The following C16orf86 variants were observed in gnomAD, a reference collection of about 807,000 sequenced individuals.
The protein encoded by C16orf86 is chromosome 16 open reading frame 86, also known as uncharacterized protein C16orf86.
C16orf86 carries 19 observed loss-of-function variants against 21.5 expected under a neutral mutation model. The observed-to-expected ratio is 0.88, with a 90% CI of 0.62 to 1.30. The LOEUF is 1.30. C16orf86 is among the 50% of genes most tolerant of loss of function. The pLI is 0.00. For synonymous variants in C16orf86, 188 were observed against 183.5 expected (o/e 1.02, Z -0.20); for missense variants, 391 against 415.8 (o/e 0.94, Z 0.52).
chr16:67,668,608 G>C lies in C16orf86; in HGVS notation c.*8G>C. Reference sequence around the variant, plus strand: ...TCTCCTCAGTACAAGTGACTGTCCCGCCCCACTGGTGGCTCCCCTCCTTCC... The same window carrying C: ...TCTCCTCAGTACAAGTGACTGTCCCCCCCCACTGGTGGCTCCCCTCCTTCC... On this transcript the variant is annotated 3_prime_UTR_variant, in exon 4 of 4. Coordinates refer to ENST00000403458, the MANE Select transcript of C16orf86 (RefSeq NM_001012984.3). 3 of 1,612,310 alleles carry C rather than the reference G, an allele frequency of 1.9e-6. No individual in the cohort carries two copies. The highest frequency in any genetic ancestry group is 2.5e-6 in the Non-Finnish European group (3 of 1,179,106).
At chr16:67,667,093 C>A in intron 1 of C16orf86, 21 bp downstream of exon 1, 1 of 1,454,844 alleles carries the variant, frequency 6.9e-7, no homozygotes, top group South Asian at 1.4e-5. Flanking sequence ...GGCTGTTTAA[C>A]CTTCAAACAC....
rs892158579 is a variant in C16orf86, at chr16:67,667,694, G to A, written c.332+169G>A. The stretch of plus-strand genomic sequence containing the variant: ...CCGTGTAGGGAGCAGCAGGAGAGTG[G>A]GAGCTTCAGGGCTTGTAGGGGCCTG... On this transcript the variant is annotated intron_variant, in intron 2 of 3. Coordinates refer to ENST00000403458, the MANE Select transcript of C16orf86 (RefSeq NM_001012984.3). 3.3e-6 allele frequency: 5 copies of A among 1,531,922 alleles called. No homozygotes were observed. In the African/African-American group the frequency reaches 5.5e-5, roughly 17 times the overall value. 94.9% of individuals were successfully genotyped at this position (1,531,922 alleles called of 1,614,324 possible).
chr16:67,668,489 GGT>G lies in C16orf86; in HGVS notation c.845_846del (p.Val282GlufsTer2). The G allele has an allele frequency of 6.2e-7, 1 of 1,613,252 alleles. No individual in the cohort carries two copies. Among genetic ancestry groups the G allele is most frequent in the East Asian group, 2.2e-5 (1 of 44,884 alleles). Reference protein sequence around the residue: ...EEPGGLPSLGVSDHKAEVDKS... With the variant: ...EEPGGLPSLGXSDHKAEVDKS... The stretch of plus-strand genomic sequence containing the variant: ...AGCCTGGGGGCTTGCCCAGCTTGGG[GGT>G]GAGTGACCACAAGGCCGAGGTGGAT... On this transcript the variant is annotated frameshift_variant, in exon 4 of 4. Coordinates refer to ENST00000403458, the MANE Select transcript of C16orf86 (RefSeq NM_001012984.3). LOFTEE classifies it high-confidence loss of function.
chr16:67,668,098 C>G lies in C16orf86; in HGVS notation c.553C>G (p.Arg185Gly), dbSNP rs1206286305. 3.1e-6 allele frequency: 5 copies of G among 1,611,936 alleles called. No homozygotes were observed. Among genetic ancestry groups the G allele is most frequent in the South Asian group, 2.2e-5 (2 of 91,010 alleles). The change falls in exon 3 of 4, where the codon CGA (arginine) becomes GGA (glycine). Residue 185 changes from arginine (R) to glycine (G), a missense_variant and splice_region_variant. Transcript: ENST00000403458. ...ACCCTTAGAGACATTGAGGCTGGAGCGTGAGTGGCAGTCCCTGGACTGTTC... is the reference window on the plus strand; with the variant it reads ...ACCCTTAGAGACATTGAGGCTGGAGGGTGAGTGGCAGTCCCTGGACTGTTC... ...SAPLETLRLE[R>G]KAQRLRPLYQ...
chr16:67,666,874 C>T lies in C16orf86; in HGVS notation c.-97C>T. The T allele has an allele frequency of 1.2e-6, 1 of 830,424 alleles. No homozygotes were observed. Among genetic ancestry groups the T allele is most frequent in the Non-Finnish European group, 1.7e-6 (1 of 576,546 alleles). 51.4% of individuals were successfully genotyped at this position (830,424 alleles called of 1,614,324 possible). A position where few individuals can be genotyped will look rare whatever the true frequency, so the allele number is the denominator to read the frequency against. Reference sequence around the variant, plus strand: ...GTTTCTCTTCCCAGCTCTGCCCTCGCTTGCTGGCCGGTCTCCGGGGTCAGC... The same window carrying T: ...GTTTCTCTTCCCAGCTCTGCCCTCGTTTGCTGGCCGGTCTCCGGGGTCAGC... On this transcript the variant is annotated 5_prime_UTR_variant, in exon 1 of 4. Transcript: ENST00000403458.
chr16:67,667,208 T>C, intron 1 of C16orf86, 88 bp from the exon 2 acceptor site: 1 of 1,455,700 alleles, frequency 6.9e-7, no homozygotes, highest in Middle Eastern at 1.7e-4. Context: ...CTTATTCCCG[T>C]TTCGGTGTCT....
In C16orf86 at chr16:67,667,079, G is replaced by A. The variant is rs759509817; in HGVS notation, c.102+7G>A. ...CAGCGCTCAGACCTCCGAGGTGACC[G>A]TCAGGCTGTTTAACCTTCAAACACA... is the stretch of plus-strand genomic sequence containing the variant. On this transcript the variant is annotated splice_region_variant and intron_variant, in intron 1 of 3. Transcript: ENST00000403458. 2.1e-6 allele frequency: 3 copies of A among 1,456,206 alleles called. No individual in the cohort carries two copies. Among genetic ancestry groups the A allele is most frequent in the Non-Finnish European group, 2.7e-6 (3 of 1,106,510 alleles). The allele number at this position is 1,456,206 out of a possible 1,614,324, so 90.2% of individuals were successfully genotyped here. A position where few individuals can be genotyped will look rare whatever the true frequency, so the allele number is the denominator to read the frequency against.
chr16:67,668,410 C>A lies in C16orf86; in HGVS notation c.764C>A (p.Pro255Gln), dbSNP rs758076378. ...GPGLALPCPS[P>Q]LVTPTHALAP... ...GGCCTCGCTTTGCCCTGTCCCAGTC[C>A]ACTAGTGACCCCCACCCATGCCCTG... The change falls in exon 4 of 4, where the codon CCA becomes CAA. Residue 255 changes from proline (P) to glutamine (Q), a missense_variant. Physicochemically the swap from Pro to Gln is moderately conservative, Grantham distance 76 (BLOSUM62 -1). Transcript: ENST00000403458. The A allele has an allele frequency of 6.2e-7, 1 of 1,612,500 alleles. No individual in the cohort carries two copies. The highest frequency in any genetic ancestry group is 1.3e-5 in the African/African-American group (1 of 74,916).
Position 67,668,472 on chromosome 16 carries a change from G to GGCTT in C16orf86, c.829_832dup (p.Pro278LeufsTer8). On this transcript the variant is annotated frameshift_variant, in exon 4 of 4. Coordinates refer to ENST00000403458, the MANE Select transcript of C16orf86 (RefSeq NM_001012984.3). LOFTEE classifies it high-confidence loss of function. Reference sequence around the variant, plus strand: ...AGAGGAGGCTGGAGAGGAGCCTGGGGGCTTGCCCAGCTTGGGGGTGAGTGA... The same window carrying GGCTT: ...AGAGGAGGCTGGAGAGGAGCCTGGGGGCTTGCTTGCCCAGCTTGGGGGTGAGTGA... The GGCTT allele has an allele frequency of 6.2e-7, 1 of 1,613,062 alleles. No homozygotes were observed. The highest frequency in any genetic ancestry group is 8.5e-7 in the Non-Finnish European group (1 of 1,179,784).
In C16orf86 at chr16:67,666,932, C is replaced by G. The variant is rs1361604019; in HGVS notation, c.-39C>G. 2.2e-6 allele frequency: 3 copies of G among 1,362,328 alleles called. No homozygotes were observed. Among genetic ancestry groups the G allele is most frequent in the South Asian group, 1.5e-5 (1 of 64,742 alleles). The allele number at this position is 1,362,328 out of a possible 1,614,324, so 84.4% of individuals were successfully genotyped here. A position where few individuals can be genotyped will look rare whatever the true frequency, so the allele number is the denominator to read the frequency against. ...CACCATCCAGCCCCTTGGGGCCCGC[C>G]CCAAGCAGCTGTCGAGGACGCACTC... On this transcript the variant is annotated 5_prime_UTR_variant, in exon 1 of 4. Transcript: ENST00000403458.
At position 67,667,001 on chromosome 16, in the gene C16orf86, G is replaced by T; in HGVS notation, c.31G>T (p.Gly11Trp). Residue 11 changes from glycine (G) to tryptophan (W), a missense_variant, in exon 1 of 4, where the codon GGG (glycine) becomes TGG (tryptophan). Gly to Trp is a radical substitution (Grantham distance 184, BLOSUM62 -2). Transcript: ENST00000403458. MASAGAERRP[G>W]VQEATVVGQG... ...CTCGGCAGGGGCGGAGAGGCGGCCGGGGGTCCAGGAGGCGACGGTCGTGGG... is the reference window on the plus strand; with the variant it reads ...CTCGGCAGGGGCGGAGAGGCGGCCGTGGGTCCAGGAGGCGACGGTCGTGGG... 1 of 1,454,284 alleles carries T rather than the reference G, an allele frequency of 6.9e-7. No homozygotes were observed. The highest frequency in any genetic ancestry group is 1.4e-5 in the South Asian group (1 of 69,286). 90.1% of individuals were successfully genotyped at this position (1,454,284 alleles called of 1,614,324 possible).
At position 67,666,990 on chromosome 16, in the gene C16orf86, A is replaced by T; in HGVS notation, c.20A>T (p.Glu7Val). The T allele has an allele frequency of 6.9e-7, 1 of 1,452,834 alleles. No individual in the cohort carries two copies. The highest frequency in any genetic ancestry group is 9.0e-7 in the Non-Finnish European group (1 of 1,110,116). 90.0% of individuals were successfully genotyped at this position (1,452,834 alleles called of 1,614,324 possible). ...GCAGCCATGGCCTCGGCAGGGGCGG[A>T]GAGGCGGCCGGGGGTCCAGGAGGCG... Reference protein sequence around the residue: MASAGAERRPGVQEATV... With the variant: MASAGAVRRPGVQEATV... Residue 7 changes from glutamate (E) to valine (V), a missense_variant, in exon 1 of 4, where the codon GAG becomes GTG. Glu to Val is a moderately radical substitution (Grantham distance 121). Transcript: ENST00000403458.
Position 67,668,535 on chromosome 16 carries a change from A to G in C16orf86, c.889A>G (p.Ile297Val), listed in dbSNP as rs2053136910. 6.2e-7 allele frequency: 1 copy of G among 1,613,492 alleles called. No homozygotes were observed. Among genetic ancestry groups the G allele is most frequent in the Non-Finnish European group, 8.5e-7 (1 of 1,179,892 alleles). Residue 297 changes from isoleucine to valine, a missense_variant, in exon 4 of 4, where the codon ATC becomes GTC. Coordinates refer to ENST00000403458, the MANE Select transcript of C16orf86 (RefSeq NM_001012984.3). ...GGTGGATAAGTCAACCCAGGTGGAC[A>G]TCGACAAGATGCTGAGTGTCTGCAC... ...AEVDKSTQVD[I>V]DKMLSVCTAP...
rs1188473389 is a variant in C16orf86 at position 67,668,703 on chromosome 16, G to A, written c.*103G>A. 4 of 922,036 alleles carry A rather than the reference G, an allele frequency of 4.3e-6. No homozygotes were observed. Among genetic ancestry groups the A allele is most frequent in the Non-Finnish European group, 6.8e-6 (4 of 586,892 alleles). The allele number at this position is 922,036 out of a possible 1,614,324, so 57.1% of individuals were successfully genotyped here. ...GGTGGCGGGGGCAAATTTGGCACCTGCCCCCACTTGGGACTTTGGTCTTGC... is the reference window on the plus strand; with the variant it reads ...GGTGGCGGGGGCAAATTTGGCACCTACCCCCACTTGGGACTTTGGTCTTGC... On this transcript the variant is annotated 3_prime_UTR_variant, in exon 4 of 4. Coordinates refer to ENST00000403458, the MANE Select transcript of C16orf86 (RefSeq NM_001012984.3).
In C16orf86 at chr16:67,668,558, C is replaced by T. The variant is rs1463636723; in HGVS notation, c.912C>T (p.Cys304=). The change falls in exon 4 of 4, where the codon TGC becomes TGT. Residue 304 remains cysteine, a synonymous_variant. Transcript: ENST00000403458. ...ACATCGACAAGATGCTGAGTGTCTGCACTGCTCCACTTGTCCCCCCGCTCT... is the reference window on the plus strand; with the variant it reads ...ACATCGACAAGATGCTGAGTGTCTGTACTGCTCCACTTGTCCCCCCGCTCT... ...QVDIDKMLSV[C]TAPLVPPLSP... is the part of the protein sequence containing the mutation. 2 of 1,613,488 alleles carry T rather than the reference C, an allele frequency of 1.2e-6. No homozygotes were observed. Among genetic ancestry groups the T allele is most frequent in the African/African-American group, 1.3e-5 (1 of 75,042 alleles).
chr16:67,668,604 T>TC lies in C16orf86; in HGVS notation c.*7dup, dbSNP rs1567649978. The TC allele has an allele frequency of 1.2e-6, 2 of 1,612,876 alleles. No homozygotes were observed. The highest frequency in any genetic ancestry group is 2.2e-5 in the East Asian group (1 of 44,860). On this transcript the variant is annotated 3_prime_UTR_variant, in exon 4 of 4. Coordinates refer to ENST00000403458, the MANE Select transcript of C16orf86 (RefSeq NM_001012984.3). The stretch of plus-strand genomic sequence containing the variant: ...GCTCTCTCCTCAGTACAAGTGACTG[T>TC]CCCGCCCCACTGGTGGCTCCCCTCC...
chr16:67,668,004 C>CA lies in C16orf86; in HGVS notation c.465dup (p.Ala156SerfsTer48). The CA allele has an allele frequency of 1.9e-6, 3 of 1,613,566 alleles. No individual in the cohort carries two copies. The highest frequency in any genetic ancestry group is 2.5e-6 in the Non-Finnish European group (3 of 1,179,870). ...AGCCCTCACCATCTGCCAAACAGCA[C>CA]AAAAAAGCCAAGAAGCGCAAGAGCC... On this transcript the variant is annotated frameshift_variant, in exon 3 of 4. Coordinates refer to ENST00000403458, the MANE Select transcript of C16orf86 (RefSeq NM_001012984.3). LOFTEE classifies it high-confidence loss of function.
rs2053117855 is a variant in C16orf86, at chr16:67,667,366, G to A, written c.173G>A (p.Arg58His). 6.2e-7 allele frequency: 1 copy of A among 1,612,672 alleles called. No homozygotes were observed. The highest frequency in any genetic ancestry group is 1.7e-5 in the Admixed American group (1 of 60,032). Residue 58 changes from arginine (R) to histidine (H), a missense_variant, in exon 2 of 4, where the codon CGC becomes CAC. Transcript: ENST00000403458. ...EARGTQSEDQ[R>H]PAGAASESEL... ...CGCGGAACCCAGAGTGAAGACCAGC[G>A]CCCAGCAGGCGCAGCTTCGGAGTCG...
At position 67,668,045 on chromosome 16, in the gene C16orf86, T is replaced by C. The variant is rs2053128453; in HGVS notation, c.500T>C (p.Leu167Pro). ...CGCAAGAGCCTGGGGGCTCCCGTGC[T>C]CCACGCTGTGGCCAGCATGGTGTCT... is the stretch of plus-strand genomic sequence containing the variant. ...KKRKSLGAPV[L>P]HAVASMVSAP... The change falls in exon 3 of 4, where the codon CTC (leucine) becomes CCC (proline). Residue 167 changes from leucine (L) to proline (P), a missense_variant. Coordinates refer to ENST00000403458, the MANE Select transcript of C16orf86 (RefSeq NM_001012984.3). The C allele has an allele frequency of 1.9e-6, 3 of 1,612,428 alleles. No individual in the cohort carries two copies. The highest frequency in any genetic ancestry group is 1.7e-6 in the Non-Finnish European group (2 of 1,179,596).
Sources: gnomAD v4.1 joint callset for allele counts on GRCh38, gnomAD v4.1.1 for gene constraint, MANE v1.5 for transcripts, NCBI Gene and HGNC (gene_info 2026-07-23, HGNC 2026-07-21) for gene names.